The following RABGAP1L variants were observed in gnomAD, a reference collection of about 807,000 sequenced individuals.
RABGAP1L encodes rab GTPase-activating protein 1-like.
A neutral mutation model predicts 137.7 loss-of-function variants in RABGAP1L; 63 were observed. The ratio of observed to expected loss-of-function variants is 0.46; its 90% CI spans 0.37 to 0.56. RABGAP1L has a LOEUF of 0.56. Among genes scored for constraint, RABGAP1L ranks in the 20% least tolerant of loss-of-function variants. RABGAP1L has a pLI of 0.00. For synonymous variants in RABGAP1L, 431 were observed against 433.7 expected (o/e 0.99, Z 0.08); for missense variants, 1,095 against 1,244.0 (o/e 0.88, Z 1.80).
At chr1:174,240,177 G>A (rs1671674745) in intron 4 of RABGAP1L, among the ~76,000 whole-genome samples, 1 of 152,150 alleles carries the variant, frequency 6.6e-6, no homozygotes, top group African/African-American at 2.4e-5. Context: ...TTGAGATCTT[G>A]AAGGGGTCTT....
At chr1:174,207,613 C>T (rs1411588716) in intron 1 of RABGAP1L, among the ~76,000 whole-genome samples, 1 of 152,116 alleles carries the variant, frequency 6.6e-6, no homozygotes, top group Non-Finnish European at 1.5e-5. Flanking sequence ...ATCTTGCTAT[C>T]CCAAATAATT....
chr1:174,414,262 T>A (rs1475407301), intron 13 of RABGAP1L, among the ~76,000 whole-genome samples: 1 of 152,124 alleles, frequency 6.6e-6, no homozygotes, highest in East Asian at 1.9e-4. Context: ...TTAAAAAAAA[T>A]CCACATATAA....
intron 7 of RABGAP1L, among the ~76,000 whole-genome samples, chr1:174,264,518 G>C (rs903110435): frequency 6.6e-6 from 1 of 152,038 alleles, no homozygotes; most frequent in Non-Finnish European, 1.5e-5. Context: ...AACAACTTCA[G>C]ATCTTCATCT....
chr1:174,675,574 T>C (rs951435313), intron 14 of RABGAP1L, among the ~76,000 whole-genome samples: 1 of 151,954 alleles, frequency 6.6e-6, no homozygotes, highest in Non-Finnish European at 1.5e-5. Flanking sequence ...CGATGCGGGC[T>C]CTTTTTTGGT....
Position 174,394,086 on chromosome 1 carries a change from T to C in RABGAP1L, c.1651T>C (p.Leu551=), listed in dbSNP as rs1571593052. ...ATTGAGGGCAGAGGTATGGCAGTTA[T>C]TGGCAGGCTGCCATGACAACCAGGC... The part of the protein sequence containing the change: ...EALRAEVWQL[L]AGCHDNQAML... The change falls in exon 13 of 26, where the codon TTG becomes CTG. Residue 551 remains leucine (L), a synonymous_variant. Transcript: ENST00000681986. 3 of 1,613,874 alleles carry C rather than the reference T, an allele frequency of 1.9e-6. No homozygotes were observed. The East Asian group carries it at 6.7e-5, about 36-fold the overall frequency.
chr1:174,231,465 A>C, intron 4 of RABGAP1L, 110 bp downstream of exon 4: 1 of 972,808 alleles, frequency 1.0e-6, no homozygotes, highest in Non-Finnish European at 1.6e-6. Context: ...CACTGTAGAC[A>C]TGCAGAGTAA....
At chr1:174,755,576 A>G (rs1037218667) in intron 18 of RABGAP1L, among the ~76,000 whole-genome samples, 4 of 152,226 alleles carry the variant, frequency 2.6e-5, no homozygotes, top group African/African-American at 9.6e-5. Flanking sequence ...CAGACACTAC[A>G]GAGATAAAGA....
chr1:174,517,617 A>G (rs1662983111), intron 13 of RABGAP1L, among the ~76,000 whole-genome samples: 1 of 152,200 alleles, frequency 6.6e-6, no homozygotes, highest in Non-Finnish European at 1.5e-5. Context: ...TGAGGTAAAA[A>G]AATCAACTAT....
intron 18 of RABGAP1L, among the ~76,000 whole-genome samples, chr1:174,798,444 G>C (rs1276588931): frequency 1.3e-5 from 2 of 151,616 alleles, no homozygotes; most frequent in Non-Finnish European, 2.9e-5. Flanking sequence ...GAGATAAAAG[G>C]CTTGACAGCA....
chr1:174,664,730 CTTTCTTTT>C lies in RABGAP1L; in HGVS notation c.1825-18788_1825-18781del, dbSNP rs1457981890. 1.6e-4 allele frequency among the ~76,000 whole-genome samples: 16 copies of C among 98,904 alleles called. 1 individual carries two copies. Among genetic ancestry groups the C allele is most frequent in the South Asian group, 1.2e-3 (4 of 3,396 alleles). The allele number at this position is 98,904 out of a possible 152,430, so 64.9% of individuals were successfully genotyped here. ...CTCTCTCTTTCTTTCTTTCTTTCTGCTTTCTTTTTTTTTTTTTTTTTTTTTGACAGAGT... is the reference window on the plus strand; with the variant it reads ...CTCTCTCTTTCTTTCTTTCTTTCTGCTTTTTTTTTTTTTTTTTGACAGAGT... On this transcript the variant is annotated intron_variant, in intron 14 of 25. Transcript: ENST00000681986.
chr1:174,239,768 G>T (rs1671628827), intron 4 of RABGAP1L, among the ~76,000 whole-genome samples: 1 of 152,176 alleles, frequency 6.6e-6, no homozygotes, highest in Non-Finnish European at 1.5e-5. Flanking sequence ...CAAATAAGCA[G>T]ACCAGGTCAA....
chr1:174,391,948 C>T (rs1013920664), intron 12 of RABGAP1L, among the ~76,000 whole-genome samples: 5 of 152,136 alleles, frequency 3.3e-5, no homozygotes, highest in Non-Finnish European at 7.4e-5. Flanking sequence ...CACAGCCAAA[C>T]ATTAAATTAC....
chr1:174,314,318 T>C (rs1679162911), intron 11 of RABGAP1L, among the ~76,000 whole-genome samples: 1 of 152,206 alleles, frequency 6.6e-6, no homozygotes, highest in Non-Finnish European at 1.5e-5. Context: ...TAGTAACCAC[T>C]GATGATCCTT....
intron 17 of RABGAP1L, among the ~76,000 whole-genome samples, chr1:174,719,684 G>C (rs1301706567): frequency 6.6e-6 from 1 of 152,200 alleles, no homozygotes; most frequent in East Asian, 1.9e-4. Flanking sequence ...GAACTGCAGA[G>C]TACATATTCA....
chr1:174,426,350 T>A (rs1449430082), intron 13 of RABGAP1L, among the ~76,000 whole-genome samples: 1 of 152,092 alleles, frequency 6.6e-6, no homozygotes, highest in Non-Finnish European at 1.5e-5. Flanking sequence ...CGATAATATT[T>A]GCATATGTAA....
chr1:174,662,406 G>GTTGT (rs556333223), intron 14 of RABGAP1L, among the ~76,000 whole-genome samples: 1,519 of 150,120 alleles, frequency 0.01, 22 homozygotes, highest in African/African-American at 0.034. Context: ...GCCTGGCCTG[G>GTTGT]TTGTTTGTTT....
At chr1:174,272,066 G>C (rs1192409768) in intron 7 of RABGAP1L, among the ~76,000 whole-genome samples, 2 of 151,830 alleles carry the variant, frequency 1.3e-5, no homozygotes, top group Non-Finnish European at 2.9e-5. Flanking sequence ...TGACCTATAT[G>C]TTTGGAATAA....
intron 19 of RABGAP1L, among the ~76,000 whole-genome samples, chr1:174,825,280 T>G (rs539420749): frequency 6.6e-6 from 1 of 152,326 alleles, no homozygotes; most frequent in Admixed American, 6.5e-5. Flanking sequence ...TGATAGTAGT[T>G]TAGGCTAGGA....
At chr1:174,613,008 G>T (rs10912814) in intron 13 of RABGAP1L, among the ~76,000 whole-genome samples, 1 of 150,656 alleles carries the variant, frequency 6.6e-6, no homozygotes, top group African/African-American at 2.5e-5. Flanking sequence ...AAAAAACCAG[G>T]TCCTAGATTC....
Sources: allele counts gnomAD v4.1 joint callset (sites outside exome capture counted in the v4.1 genomes callset), GRCh38; gene constraint gnomAD v4.1.1; transcripts MANE v1.5; gene names NCBI Gene and HGNC (gene_info 2026-07-23, HGNC 2026-07-21).